TMEM204: variants seen among roughly 807,000 people sequenced by gnomAD.
The protein encoded by TMEM204 is claudin-like protein 24.
TMEM204 carries 15 observed loss-of-function variants against 19.4 expected under a neutral mutation model. The ratio of observed to expected loss-of-function variants is 0.77; its 90% CI spans 0.52 to 1.19. The LOEUF (loss-of-function observed/expected upper bound fraction) is 1.19, where lower values mean the gene tolerates loss of function less well. Ranked by LOEUF, TMEM204 falls within the 50% of genes most tolerant of loss-of-function variation. The probability of loss-of-function intolerance (pLI) is 0.00; values close to 1 mark genes in which losing one functional copy is unlikely to be tolerated. For missense variants in TMEM204, 287 were observed against 321.2 expected (o/e 0.89, Z 0.81); for synonymous variants, 161 against 146.0 (o/e 1.10, Z -0.74).
Position 1,553,236 on chromosome 16 carries a change from G to C in TMEM204, c.437-1546G>C, listed in dbSNP as rs1190179473. 3 of 976,712 alleles carry C rather than the reference G, an allele frequency of 3.1e-6. No homozygotes were observed. Among genetic ancestry groups the C allele is most frequent in the Non-Finnish European group, 3.6e-6 (3 of 822,928 alleles). The allele number at this position is 976,712 out of a possible 1,614,324, so 60.5% of individuals were successfully genotyped here. On this transcript the variant is annotated intron_variant, in intron 2 of 2. Coordinates refer to ENST00000566264, the MANE Select transcript of TMEM204 (RefSeq NM_024600.6). The surrounding 1 kb of genome is among the most constrained non-coding windows in gnomAD (Gnocchi z 4.4). The stretch of plus-strand genomic sequence containing the variant: ...TCTCTCTCTGTCTCCATCTGTCTCT[G>C]TGTCTGTCTCTGTCTCTCTGTATCT...
rs1032083981 is a variant in TMEM204, at chr16:1,551,576, G to A, written c.437-3206G>A. Among the ~76,000 whole-genome samples the A allele has an allele frequency of 5.9e-5, 9 of 152,146 alleles. No homozygotes were observed. The highest frequency in any genetic ancestry group is 1.7e-4 in the African/African-American group (7 of 41,422). Reference sequence around the variant, plus strand: ...AGGGTGCAGCGGTGGAGGGAGGGCCGCCTGCATCAGTATCCCCAGCAAGGT... The same window carrying A: ...AGGGTGCAGCGGTGGAGGGAGGGCCACCTGCATCAGTATCCCCAGCAAGGT... On this transcript the variant is annotated intron_variant, in intron 2 of 2. Transcript: ENST00000566264. The surrounding 1 kb of genome is among the most constrained non-coding windows in gnomAD (Gnocchi z 4.0).
At chr16:1,546,578 G>A (rs2032191674) in intron 2 of TMEM204, among the ~76,000 whole-genome samples, 1 of 152,216 alleles carries the variant, frequency 6.6e-6, no homozygotes, top group African/African-American at 2.4e-5. Context: ...AGAAGCTTCA[G>A]GCCCGAGGCG....
intron 2 of TMEM204, among the ~76,000 whole-genome samples, chr16:1,554,300 T>A (rs771232517): frequency 6.6e-6 from 1 of 152,250 alleles, no homozygotes; most frequent in Non-Finnish European, 1.5e-5. Flanking sequence ...TGTTTCCAGA[T>A]AAGACTTAGA....
intron 2 of TMEM204, among the ~76,000 whole-genome samples, chr16:1,552,487 G>A (rs1483225389): frequency 1.3e-5 from 2 of 152,082 alleles, no homozygotes; most frequent in East Asian, 1.9e-4. Flanking sequence ...ATGAGTGGAC[G>A]CTGTTCAAAG....
At chr16:1,540,995 G>C (rs1195969021) in intron 1 of TMEM204, 1 of 985,366 alleles carries the variant, frequency 1.0e-6, no homozygotes, top group Non-Finnish European at 1.2e-6. Context: ...TTGGGCCCCT[G>C]TGTAAGGTTT....
chr16:1,547,450 A>AGTCTGCT lies in TMEM204; in HGVS notation c.436+5377_436+5383dup, dbSNP rs1354701200. 2.0e-5 allele frequency among the ~76,000 whole-genome samples: 3 copies of AGTCTGCT among 152,316 alleles called. No homozygotes were observed. The East Asian group carries it at 5.8e-4, about 29-fold the overall frequency. Reference sequence around the variant, plus strand: ...ATGGAATCTTGCTCGCTGGTGAGAAAGTCTGCTGTTCTCTTAGACTTGGGA... The same window carrying AGTCTGCT: ...ATGGAATCTTGCTCGCTGGTGAGAAAGTCTGCTGTCTGCTGTTCTCTTAGACTTGGGA... On this transcript the variant is annotated intron_variant, in intron 2 of 2. Transcript: ENST00000566264.
At chr16:1,532,079 G>A (rs1374629567), upstream of TMEM204, 2 of 152,316 alleles carry the variant, frequency 1.3e-5, no homozygotes, top group Non-Finnish European at 1.5e-5. Flanking sequence ...CTGAGTGTTT[G>A]AGACACTGCA....
chr16:1,535,779 T>C (rs2031005124), intron 1 of TMEM204, among the ~76,000 whole-genome samples: 2 of 152,262 alleles, frequency 1.3e-5, no homozygotes, highest in African/African-American at 2.4e-5. Flanking sequence ...CAGCCTGGAC[T>C]GCGCACTTCC....
At chr16:1,550,968 C>T (rs540746523) in intron 2 of TMEM204, among the ~76,000 whole-genome samples, 109 of 152,302 alleles carry the variant, frequency 7.2e-4, no homozygotes, top group Middle Eastern at 6.8e-3. Context: ...GCTGCCCCTC[C>T]GTGAGCATTC....
chr16:1,553,216 C>G lies in TMEM204; in HGVS notation c.437-1566C>G, dbSNP rs2032816228. ...TCCCTGTGTCTCTGTCTCTGTCTCT[C>G]TCTGTCTCCATCTGTCTCTGTGTCT... On this transcript the variant is annotated intron_variant, in intron 2 of 2. Coordinates refer to ENST00000566264, the MANE Select transcript of TMEM204 (RefSeq NM_024600.6). This position sits in a 1 kb window ranked among gnomAD's most constrained non-coding sequence, Gnocchi z 4.4. 4 of 981,380 alleles carry G rather than the reference C, an allele frequency of 4.1e-6. No individual in the cohort carries two copies. Among genetic ancestry groups the G allele is most frequent in the Non-Finnish European group, 4.8e-6 (4 of 826,262 alleles). The allele number at this position is 981,380 out of a possible 1,614,324, so 60.8% of individuals were successfully genotyped here. A position where few individuals can be genotyped will look rare whatever the true frequency, so the allele number is the denominator to read the frequency against.
At chr16:1,548,091 G>A (rs542735364) in intron 2 of TMEM204, among the ~76,000 whole-genome samples, 53 of 152,260 alleles carry the variant, frequency 3.5e-4, no homozygotes, top group African/African-American at 1.1e-3. Flanking sequence ...GGAGCCTCTC[G>A]CTCTTCCCTC....
At chr16:1,537,383 T>C (rs1188826251) in intron 1 of TMEM204, among the ~76,000 whole-genome samples, 1 of 152,164 alleles carries the variant, frequency 6.6e-6, no homozygotes, top group East Asian at 1.9e-4. Context: ...CATCCAGCGC[T>C]CGTCACTCGC....
Position 1,539,520 on chromosome 16 carries a change from C to T in TMEM204, c.281-2401C>T, listed in dbSNP as rs1269966577. On this transcript the variant is annotated intron_variant, in intron 1 of 2. Coordinates refer to ENST00000566264, the MANE Select transcript of TMEM204 (RefSeq NM_024600.6). ...GGTCCTCACCTGCTGCCAGGCTTTCCCGCTGTCCGTACGGGAACCCCTTGG... is the reference window on the plus strand; with the variant it reads ...GGTCCTCACCTGCTGCCAGGCTTTCTCGCTGTCCGTACGGGAACCCCTTGG... 1.3e-5 allele frequency among the ~76,000 whole-genome samples: 2 copies of T among 152,270 alleles called. 1 individual carries two copies. The highest frequency in any genetic ancestry group is 1.3e-4 in the Admixed American group (2 of 15,294).
In TMEM204 at chr16:1,555,207, G is replaced by A; in HGVS notation, c.*181G>A. 1.3e-6 allele frequency: 1 copy of A among 788,906 alleles called. No homozygotes were observed. Among genetic ancestry groups the A allele is most frequent in the Non-Finnish European group, 1.9e-6 (1 of 515,136 alleles). The allele number at this position is 788,906 out of a possible 1,614,324, so 48.9% of individuals were successfully genotyped here. A position where few individuals can be genotyped will look rare whatever the true frequency, so the allele number is the denominator to read the frequency against. On this transcript the variant is annotated 3_prime_UTR_variant, in exon 3 of 3. Transcript: ENST00000566264. ...TTACTGTTATGTCGGTCATATGTCT[G>A]TACGTGTCGTGGGCCAACCTCGTTC...
At chr16:1,545,155 G>A (rs895591002) in intron 2 of TMEM204, among the ~76,000 whole-genome samples, 1 of 152,350 alleles carries the variant, frequency 6.6e-6, no homozygotes, top group Admixed American at 6.5e-5. Context: ...CAGCATTCCC[G>A]GGGGACAGGG....
chr16:1,548,188 T>A (rs1387080131), intron 2 of TMEM204, among the ~76,000 whole-genome samples: 1 of 151,962 alleles, frequency 6.6e-6, no homozygotes, highest in Non-Finnish European at 1.5e-5. Flanking sequence ...AGCAGGGACT[T>A]GAGGTGGCCA....
In TMEM204 at chr16:1,555,042, G is replaced by A. The variant is rs369296906; in HGVS notation, c.*16G>A. The stretch of plus-strand genomic sequence containing the variant: ...ACCATGCTGAGTCGCCCTTCTCAGC[G>A]CTCCATCAACGCACACCTGCTATCG... On this transcript the variant is annotated 3_prime_UTR_variant, in exon 3 of 3. Coordinates refer to ENST00000566264, the MANE Select transcript of TMEM204 (RefSeq NM_024600.6). The A allele has an allele frequency of 7.5e-6, 12 of 1,599,154 alleles. No individual in the cohort carries two copies. Among genetic ancestry groups the A allele is most frequent in the Middle Eastern group, 1.7e-4 (1 of 5,976 alleles).
chr16:1,544,217 T>C (rs150672825), intron 2 of TMEM204, among the ~76,000 whole-genome samples: 1 of 140,206 alleles, frequency 7.1e-6, no homozygotes, highest in African/African-American at 2.7e-5. Flanking sequence ...GAAGTCTCAC[T>C]CTGTCACCCA....
At chr16:1,554,188 T>A in intron 2 of TMEM204, 1 of 1,218,538 alleles carries the variant, frequency 8.2e-7, no homozygotes, top group Non-Finnish European at 1.1e-6. Context: ...CCGCCCTGCC[T>A]GAGCTGCAGA....
Sources: gnomAD v4.1 joint callset for allele counts (sites outside exome capture counted in the v4.1 genomes callset) on GRCh38, gnomAD v4.1.1 for gene constraint, Gnocchi (gnomAD v3.1) non-coding constraint, MANE v1.5 for transcripts, NCBI Gene and HGNC (gene_info 2026-07-23, HGNC 2026-07-21) for gene names.